Variants in CUBN observed in about 807,000 individuals in gnomAD.
CUBN encodes the protein cubilin.
Under a neutral mutation model 405.3 loss-of-function variants are expected in CUBN, and 282 were observed. The ratio of observed to expected loss-of-function variants is 0.70; its 90% CI spans 0.63 to 0.77. CUBN has a LOEUF of 0.77. Among genes scored for constraint, CUBN ranks in the 30% least tolerant of loss-of-function variants. The pLI, the probability that CUBN is intolerant of heterozygous loss-of-function variation, is 0.00. For missense variants in CUBN, 4,514 were observed against 4,475.2 expected (o/e 1.01, Z -0.25); for synonymous variants, 1,684 against 1,617.0 (o/e 1.04, Z -0.99).
chr10:17,060,064 T>C (rs1835470614), intron 22 of CUBN, among the ~76,000 whole-genome samples: 1 of 152,008 alleles, frequency 6.6e-6, no homozygotes, highest in African/African-American at 2.4e-5. Context: ...AGATAAAATA[T>C]GAACCCAAGT....
intron 38 of CUBN, 99 bp from the exon 39 acceptor site, chr10:16,937,883 A>G: frequency 1.8e-6 from 2 of 1,116,004 alleles, no homozygotes; most frequent in Non-Finnish European, 1.3e-6. Flanking sequence ...CAATGTTATC[A>G]TAACAAAAAA....
intron 46 of CUBN, among the ~76,000 whole-genome samples, chr10:16,915,534 G>A (rs1375756636): frequency 6.6e-6 from 1 of 152,064 alleles, no homozygotes; most frequent in East Asian, 1.9e-4. Flanking sequence ...CTCAAATAAC[G>A]GCATGTGGCA....
At chr10:16,940,431 C>T (rs74752296) in intron 36 of CUBN, among the ~76,000 whole-genome samples, 194 bp from the exon 37 acceptor site, 13 of 152,232 alleles carry the variant, frequency 8.5e-5, no homozygotes, top group East Asian at 1.9e-4. Flanking sequence ...GCTACAAAGA[C>T]GACGAATACA....
chr10:16,933,962 C>T (rs1465751205), intron 39 of CUBN, among the ~76,000 whole-genome samples: 2 of 152,160 alleles, frequency 1.3e-5, no homozygotes, highest in Non-Finnish European at 2.9e-5. Flanking sequence ...TGAGCTCTTG[C>T]CCAGGTCCTG....
At chr10:16,847,307 C>T (rs1418325036) in intron 60 of CUBN, among the ~76,000 whole-genome samples, 1 of 151,880 alleles carries the variant, frequency 6.6e-6, no homozygotes, top group Admixed American at 6.6e-5. Context: ...AAAAAATTAG[C>T]TGGGTGTGGT....
At chr10:17,114,983 C>A (rs1836856928) in intron 7 of CUBN, among the ~76,000 whole-genome samples, 1 of 152,166 alleles carries the variant, frequency 6.6e-6, no homozygotes, top group South Asian at 2.1e-4. Flanking sequence ...GTGGCTCATG[C>A]CTGTAATCGC....
chr10:17,026,303 G>A (rs1299001703), intron 27 of CUBN, among the ~76,000 whole-genome samples: 1 of 152,204 alleles, frequency 6.6e-6, no homozygotes, highest in Non-Finnish European at 1.5e-5. Flanking sequence ...GAAGGGCTTT[G>A]AAATGTTCCT....
At chr10:17,047,392 T>A in intron 23 of CUBN, 22 bp downstream of exon 23, 2 of 1,534,596 alleles carry the variant, frequency 1.3e-6, no homozygotes, top group Non-Finnish European at 1.8e-6. Context: ...AAGATTATAA[T>A]GAAATAAATA....
intron 22 of CUBN, among the ~76,000 whole-genome samples, chr10:17,063,460 A>G (rs937044933): frequency 6.6e-6 from 1 of 152,128 alleles, no homozygotes; most frequent in African/African-American, 2.4e-5. Flanking sequence ...TTCTATGAAA[A>G]CATCGTCTCC....
In CUBN at chr10:16,954,547, G is replaced by A. The variant is rs752002493; in HGVS notation, c.4697C>T (p.Ala1566Val). 1 of 1,613,326 alleles carries A rather than the reference G, an allele frequency of 6.2e-7. No individual in the cohort carries two copies. The highest frequency in any genetic ancestry group is 1.1e-5 in the South Asian group (1 of 91,012). The change falls in exon 32 of 67, where the codon GCA becomes GTA. Residue 1566 changes from alanine to valine, a missense_variant and splice_region_variant. Transcript: ENST00000377833. The part of the protein sequence containing the change: ...DLEPQDSCIM[A>V]YDGLSSTMSR... ...CATTGTGGAGCTTAAGCCATCGTAT[G>A]CCTACAAGAAAGGAGACAGGGCAAA...
At chr10:17,093,482 C>T (rs1173071451) in intron 14 of CUBN, among the ~76,000 whole-genome samples, 2 of 152,034 alleles carry the variant, frequency 1.3e-5, no homozygotes, top group Admixed American at 1.3e-4. Flanking sequence ...CACCAGGATT[C>T]ATGGAAAATT....
At chr10:17,014,193 A>G (rs891017967) in intron 28 of CUBN, among the ~76,000 whole-genome samples, 1 of 152,034 alleles carries the variant, frequency 6.6e-6, no homozygotes, top group Non-Finnish European at 1.5e-5. Flanking sequence ...TACTATATCA[A>G]TTTTCTTACT....
At chr10:16,886,785 A>C (rs530178463) in intron 56 of CUBN, among the ~76,000 whole-genome samples, 2 of 152,286 alleles carry the variant, frequency 1.3e-5, no homozygotes, top group Non-Finnish European at 2.9e-5. Context: ...AGCAGGGCAC[A>C]TATATTAATT....
chr10:17,010,577 T>G (rs1005913752), intron 28 of CUBN, among the ~76,000 whole-genome samples: 3 of 151,964 alleles, frequency 2.0e-5, no homozygotes, highest in Non-Finnish European at 2.9e-5. Context: ...AGCTCAAGGC[T>G]CCAGTGAGCT....
rs1588635791 is a variant in CUBN at position 16,904,013 on chromosome 10, T to C, written c.8015A>G (p.Asn2672Ser). 5 of 1,613,632 alleles carry C rather than the reference T, an allele frequency of 3.1e-6. No homozygotes were observed. The highest frequency in any genetic ancestry group is 1.1e-5 in the South Asian group (1 of 91,082). ...GAATCCAATGTGTTCTACACGTTCG[T>C]TGGTGACAAAGTGAATCCATACCTG... ...YSQVWIHFVT[N>S]ERVEHIGFHA... The change falls in exon 51 of 67, where the codon AAC (asparagine) becomes AGC (serine). Residue 2672 changes from asparagine (N) to serine (S), a missense_variant. By Grantham distance (46) the Asn-to-Ser change is conservative. This residue lies in a region of CUBN where 1,186 missense variants were observed against 1,186.9 expected (regional missense o/e 1.00). Coordinates refer to ENST00000377833, the MANE Select transcript of CUBN (RefSeq NM_001081.4).
At chr10:16,932,017 G>A (rs1842376097) in intron 40 of CUBN, among the ~76,000 whole-genome samples, 1 of 152,198 alleles carries the variant, frequency 6.6e-6, no homozygotes, top group South Asian at 2.1e-4. Flanking sequence ...GGAAGGCTTA[G>A]ATGTGAAGAG....
chr10:17,042,020 C>T (rs1015169611), intron 26 of CUBN, among the ~76,000 whole-genome samples: 2 of 151,916 alleles, frequency 1.3e-5, no homozygotes, highest in Non-Finnish European at 2.9e-5. Context: ...TAAAAGAGAA[C>T]GGGAAATAAA....
chr10:16,890,104 C>T (rs1219146487), intron 55 of CUBN, among the ~76,000 whole-genome samples: 2 of 152,116 alleles, frequency 1.3e-5, no homozygotes, highest in Admixed American at 6.5e-5. Flanking sequence ...TAGCCATCTG[C>T]GCTTCTGCCC....
rs199707589 is a variant in CUBN, at chr10:17,081,975, C to T, written c.2301+2296G>A. 2.6e-4 allele frequency among the ~76,000 whole-genome samples: 37 copies of T among 142,632 alleles called. No homozygotes were observed. The East Asian group carries it at 7.9e-3, about 30-fold the overall frequency. 93.6% of individuals were successfully genotyped at this position (142,632 alleles called of 152,430 possible). On this transcript the variant is annotated intron_variant, in intron 17 of 66. Transcript: ENST00000377833. Reference sequence around the variant, plus strand: ...CTTCTGAATAATACAGTTTTTTTTTCCATCAACAATCCTTGAGGGAAATTT... The same window carrying T: ...CTTCTGAATAATACAGTTTTTTTTTTCATCAACAATCCTTGAGGGAAATTT...
Sources: gnomAD v4.1 joint callset for allele counts (sites outside exome capture counted in the v4.1 genomes callset) on GRCh38, gnomAD v4.1.1 for gene constraint, gnomAD v4.1.1 regional missense constraint, MANE v1.5 for transcripts, NCBI Gene and HGNC (gene_info 2026-07-23, HGNC 2026-07-21) for gene names.